The following KCNT1 variants were observed in gnomAD, a reference collection of about 807,000 sequenced individuals.
KCNT1 encodes potassium channel subfamily T member 1.
KCNT1 carries 78 observed loss-of-function variants against 147.8 expected under a neutral mutation model. The ratio of observed to expected loss-of-function variants is 0.53; its 90% CI spans 0.44 to 0.64. The LOEUF (loss-of-function observed/expected upper bound fraction) is 0.64, where lower values mean the gene tolerates loss of function less well. KCNT1 is among the 30% of genes least tolerant of loss of function. The pLI, the probability that KCNT1 is intolerant of heterozygous loss-of-function variation, is 0.00. For synonymous variants in KCNT1, 867 were observed against 748.8 expected, an observed-to-expected ratio of 1.16 and a Z score of -2.58; for missense variants, 1,419 against 1,750.3, an observed-to-expected ratio of 0.81 and a Z score of 3.38.
At chr9:135,708,012 A>G (rs1319670505) in intron 1 of KCNT1, among the ~76,000 whole-genome samples, 15 of 152,178 alleles carry the variant, frequency 9.9e-5, no homozygotes, top group Admixed American at 9.2e-4. Context: ...CATCTCGAGC[A>G]GCTCTGACTT....
intron 6 of KCNT1, 74 bp from the exon 7 acceptor site, chr9:135,756,792 CCTGCCCG>C (rs1831507356): frequency 9.7e-6 from 11 of 1,135,990 alleles, no homozygotes; most frequent in Middle Eastern, 1.9e-4. Context: ...TTGTGTGGTA[CCTGCCCG>C]CGAGGCCTGT....
chr9:135,743,659 C>T (rs1055147175), intron 2 of KCNT1, among the ~76,000 whole-genome samples: 15 of 152,200 alleles, frequency 9.9e-5, no homozygotes, highest in African/African-American at 2.9e-4. Flanking sequence ...CCCGAGGAGT[C>T]GGGTCTCAGA....
At chr9:135,709,075 C>T (rs1265056480) in intron 1 of KCNT1, among the ~76,000 whole-genome samples, 2 of 152,174 alleles carry the variant, frequency 1.3e-5, no homozygotes, top group Non-Finnish European at 2.9e-5. Context: ...ATGGGTGAGA[C>T]GCTGCCCTAG....
In KCNT1 at chr9:135,733,059, C is replaced by A. The variant is rs1174015274; in HGVS notation, c.255-17039C>A. Among the ~76,000 whole-genome samples the A allele has an allele frequency of 2.0e-5, 3 of 151,980 alleles. No individual in the cohort carries two copies. In the East Asian group the frequency reaches 5.8e-4, roughly 29 times the overall value. On this transcript the variant is annotated intron_variant, in intron 2 of 30. Transcript: ENST00000371757. ...CACCGCCTGTACCTCCTCTGTGACTCCCCTGGACACCCTCCAGGAGGTCTG... is the reference window on the plus strand; with the variant it reads ...CACCGCCTGTACCTCCTCTGTGACTACCCTGGACACCCTCCAGGAGGTCTG...
At chr9:135,749,421 C>T (rs904632180) in intron 2 of KCNT1, among the ~76,000 whole-genome samples, 10 of 152,284 alleles carry the variant, frequency 6.6e-5, no homozygotes, top group Non-Finnish European at 1.0e-4. Context: ...TGAGCAGCGG[C>T]GTGCATGGGG....
Position 135,731,991 on chromosome 9 carries a change from T to TATATAGAGAGAGAGAG in KCNT1, c.254+17272_254+17273insTATAGAGAGAGAGAGA, listed in dbSNP as rs1276318460. ...ATATATATATATATATATATATATA[T>TATATAGAGAGAGAGAG]AGAGAGAGAGAGAGAGAGAGAGAGA... On this transcript the variant is annotated intron_variant, in intron 2 of 30. Transcript: ENST00000371757. Among the ~76,000 whole-genome samples the TATATAGAGAGAGAGAG allele has an allele frequency of 6.0e-4, 13 of 21,692 alleles. 1 individual carries two copies. The highest frequency in any genetic ancestry group is 2.3e-3 in the East Asian group (1 of 434). 14.2% of individuals were successfully genotyped at this position (21,692 alleles called of 152,430 possible). A position where few individuals can be genotyped will look rare whatever the true frequency, so the allele number is the denominator to read the frequency against.
chr9:135,770,274 C>T, intron 16 of KCNT1, 24 bp from the exon 17 acceptor site: 1 of 1,568,586 alleles, frequency 6.4e-7, no homozygotes, highest in Non-Finnish European at 8.7e-7. Flanking sequence ...GGTGACGCTC[C>T]CCTGGCCCCG....
At chr9:135,771,190 C>T (rs1335412552) in intron 18 of KCNT1, 95 bp downstream of exon 18, 4 of 1,144,400 alleles carry the variant, frequency 3.5e-6, no homozygotes, top group Admixed American at 2.1e-5. Flanking sequence ...GATGGGAGAC[C>T]AGGCAGGACA....
At chr9:135,758,262 G>A (rs979014990) in intron 9 of KCNT1, 152 bp from the exon 10 acceptor site, 2 of 644,474 alleles carry the variant, frequency 3.1e-6, no homozygotes, top group Non-Finnish European at 5.6e-6. Context: ...CCGAGACACA[G>A]GTGTGGCCAG....
At chr9:135,703,153 G>A (rs1311549870) in intron 1 of KCNT1, 1 of 152,614 alleles carries the variant, frequency 6.6e-6, no homozygotes, top group African/African-American at 2.4e-5. Context: ...AAACAGGCAA[G>A]TCTGCCCCTC....
intron 24 of KCNT1, among the ~76,000 whole-genome samples, chr9:135,783,780 C>T (rs903682191): frequency 3.9e-5 from 6 of 152,384 alleles, no homozygotes; most frequent in Admixed American, 6.5e-5. Context: ...CAGAGCCCCA[C>T]ATCACTCCTC....
intron 6 of KCNT1, among the ~76,000 whole-genome samples, chr9:135,756,198 G>A (rs1396781798): frequency 1.3e-5 from 2 of 152,078 alleles, no homozygotes; most frequent in Non-Finnish European, 1.5e-5. Flanking sequence ...AGGGGTCCCA[G>A]GTTCAGTGAG....
chr9:135,785,735 C>T, intron 28 of KCNT1: 1 of 456,820 alleles, frequency 2.2e-6, no homozygotes, highest in East Asian at 4.4e-5. Flanking sequence ...GGCTCTGGCA[C>T]CCCACGTTCC....
Position 135,760,706 on chromosome 9 carries a change from T to C in KCNT1, c.1035+847T>C, listed in dbSNP as rs574369955. Among the ~76,000 whole-genome samples, 14 of 152,336 alleles carry C rather than the reference T, an allele frequency of 9.2e-5. No homozygotes were observed. The East Asian group carries it at 2.3e-3, about 25-fold the overall frequency. On this transcript the variant is annotated intron_variant, in intron 11 of 30. Coordinates refer to ENST00000371757, the MANE Select transcript of KCNT1 (RefSeq NM_020822.3). ...CCAGGCCTGGCTCTTCTCCTCACTA[T>C]ATCCAAGCCAAAGCTGTGGCACCAG...
chr9:135,714,491 CGCGGGCCGGGCCTG>C lies in KCNT1; in HGVS notation c.111-75_111-62del, dbSNP rs1835637460. ...GTCGCGGTGGCCGCGGGCTGCGCTGCGCGGGCCGGGCCTGGCGGGCCGGGGGCTGCGCGCGTCCG... is the reference window on the plus strand; with the variant it reads ...GTCGCGGTGGCCGCGGGCTGCGCTGCGCGGGCCGGGGGCTGCGCGCGTCCG... On this transcript the variant is annotated intron_variant, in intron 1 of 30. Transcript: ENST00000371757. The surrounding 1 kb of genome is among the most constrained non-coding windows in gnomAD (Gnocchi z 6.2). 25 of 903,410 alleles carry C rather than the reference CGCGGGCCGGGCCTG, an allele frequency of 2.8e-5. No homozygotes were observed. Among genetic ancestry groups the C allele is most frequent in the Non-Finnish European group, 3.3e-5 (25 of 758,678 alleles). The allele number at this position is 903,410 out of a possible 1,614,324, so 56.0% of individuals were successfully genotyped here. A position where few individuals can be genotyped will look rare whatever the true frequency, so the allele number is the denominator to read the frequency against.
chr9:135,787,300 G>T (rs1169831187), intron 29 of KCNT1, among the ~76,000 whole-genome samples: 1 of 152,216 alleles, frequency 6.6e-6, no homozygotes, highest in Non-Finnish European at 1.5e-5. Context: ...GCCCTGCCTG[G>T]CGTGGAGAGA....
At chr9:135,747,151 G>A (rs933941913) in intron 2 of KCNT1, among the ~76,000 whole-genome samples, 5 of 152,094 alleles carry the variant, frequency 3.3e-5, no homozygotes, top group African/African-American at 1.2e-4. Flanking sequence ...CGGAGCGGAG[G>A]GGAGAACAAC....
intron 19 of KCNT1, among the ~76,000 whole-genome samples, chr9:135,774,861 C>G (rs556547402): frequency 6.6e-6 from 1 of 152,080 alleles, no homozygotes; most frequent in Non-Finnish European, 1.5e-5. Context: ...CCTTCCACAC[C>G]TGGGTGAGGG....
intron 3 of KCNT1, among the ~76,000 whole-genome samples, 196 bp downstream of exon 3, chr9:135,750,373 C>T (rs1418931114): frequency 6.6e-6 from 1 of 152,084 alleles, no homozygotes; most frequent in Non-Finnish European, 1.5e-5. Context: ...GGGTAGCCCC[C>T]TCTTAGCTTC....
Sources: gnomAD v4.1 joint callset for allele counts (sites outside exome capture counted in the v4.1 genomes callset) on GRCh38, gnomAD v4.1.1 for gene constraint, Gnocchi (gnomAD v3.1) non-coding constraint, MANE v1.5 for transcripts, NCBI Gene and HGNC (gene_info 2026-07-23, HGNC 2026-07-21) for gene names.